TUFT1: variants seen among roughly 807,000 people sequenced by gnomAD.
TUFT1 encodes the protein tuftelin 1.
Under a neutral mutation model 57.8 loss-of-function variants are expected in TUFT1, and 43 were observed. The observed-to-expected ratio is 0.74, with a 90% CI of 0.58 to 0.96. The LOEUF (loss-of-function observed/expected upper bound fraction) is 0.96, where lower values mean the gene tolerates loss of function less well. Ranked by LOEUF, TUFT1 falls within the 40% of genes least tolerant of loss-of-function variation. The pLI is 0.00. For missense variants in TUFT1, 459 were observed against 489.0 expected (o/e 0.94, Z 0.58); for synonymous variants, 166 against 176.7 (o/e 0.94, Z 0.48).
chr1:151,553,097 AT>A lies in TUFT1; in HGVS notation c.61-8981del, dbSNP rs879678423. ...CAGATCAAGCAAGGTGGGTCAGATA[AT>A]TTTTTTTTTTTTAGATGGAGTCTTG... On this transcript the variant is annotated intron_variant, in intron 1 of 12. Transcript: ENST00000368849. Among the ~76,000 whole-genome samples, 288 of 146,042 alleles carry A rather than the reference AT, an allele frequency of 2.0e-3. 1 individual carries two copies. The highest frequency in any genetic ancestry group is 0.015 in the East Asian group (78 of 5,044).
chr1:151,575,632 G>A (rs978570136), intron 9 of TUFT1, among the ~76,000 whole-genome samples: 21 of 152,188 alleles, frequency 1.4e-4, no homozygotes, highest in African/African-American at 5.1e-4. Context: ...CAAAGATTGT[G>A]CCTTCTAGAA....
chr1:151,576,930 A>AT (rs961942054), intron 9 of TUFT1, among the ~76,000 whole-genome samples: 3 of 151,968 alleles, frequency 2.0e-5, no homozygotes, highest in Non-Finnish European at 2.9e-5. Flanking sequence ...TGGACTACTT[A>AT]TTTTTTTAAT....
chr1:151,543,470 A>G (rs1665231943), intron 1 of TUFT1, among the ~76,000 whole-genome samples: 1 of 152,172 alleles, frequency 6.6e-6, no homozygotes, highest in Admixed American at 6.6e-5. Context: ...AAAAGAACAA[A>G]TAAACACCAA....
At position 151,540,441 on chromosome 1, in the gene TUFT1, T is replaced by C; in HGVS notation, c.60+15T>C. On this transcript the variant is annotated intron_variant, in intron 1 of 12. Coordinates refer to ENST00000368849, the MANE Select transcript of TUFT1 (RefSeq NM_020127.3). ...ACCAGGCGGCGGTAAGAAAAAGCGC[T>C]CTCGCTGTCTTCTCCGTTTTGTATT... is the stretch of plus-strand genomic sequence containing the variant. The C allele has an allele frequency of 1.2e-6, 2 of 1,614,062 alleles. No individual in the cohort carries two copies. The highest frequency in any genetic ancestry group is 1.7e-6 in the Non-Finnish European group (2 of 1,179,914).
At chr1:151,581,394 C>T (rs1666642114) in intron 12 of TUFT1, among the ~76,000 whole-genome samples, 1 of 152,174 alleles carries the variant, frequency 6.6e-6, no homozygotes, top group African/African-American at 2.4e-5. Context: ...ACAGCTATAT[C>T]CACTTCTCAG....
intron 1 of TUFT1, among the ~76,000 whole-genome samples, chr1:151,558,117 T>C (rs766729610): frequency 6.6e-6 from 1 of 152,150 alleles, no homozygotes; most frequent in Non-Finnish European, 1.5e-5. Flanking sequence ...TTCCTTTCTG[T>C]TTAGAGAACT....
intron 1 of TUFT1, among the ~76,000 whole-genome samples, chr1:151,546,520 C>T (rs1032970388): frequency 2.0e-5 from 3 of 152,168 alleles, no homozygotes; most frequent in African/African-American, 4.8e-5. Context: ...GCAGTCACTC[C>T]CCATTTCCCC....
intron 1 of TUFT1, among the ~76,000 whole-genome samples, chr1:151,545,057 T>C (rs1195624483): frequency 6.6e-6 from 1 of 150,998 alleles, no homozygotes. Context: ...ACGTCTGTAA[T>C]CCCAGCACTT....
rs1343183379 is a variant in TUFT1, at chr1:151,560,999, TGTGTGA to T, written c.61-1087_61-1082del. On this transcript the variant is annotated intron_variant, in intron 1 of 12. Transcript: ENST00000368849. ...GTGTGTGTGTGTGTGTGTGTGTGTGTGTGTGAGTGTTTGAGACGGAGTCTTGCTCTG... is the reference window on the plus strand; with the variant it reads ...GTGTGTGTGTGTGTGTGTGTGTGTGTGTGTTTGAGACGGAGTCTTGCTCTG... Among the ~76,000 whole-genome samples, 516 of 142,802 alleles carry T rather than the reference TGTGTGA, an allele frequency of 3.6e-3. 1 individual carries two copies. Among genetic ancestry groups the T allele is most frequent in the Non-Finnish European group, 6.0e-3 (383 of 64,144 alleles). 93.7% of individuals were successfully genotyped at this position (142,802 alleles called of 152,430 possible).
chr1:151,568,780 C>T (rs1666158024), intron 6 of TUFT1, among the ~76,000 whole-genome samples: 1 of 152,190 alleles, frequency 6.6e-6, no homozygotes, highest in Non-Finnish European at 1.5e-5. Flanking sequence ...ATCTGTTTGG[C>T]CTCTTTCTTC....
chr1:151,545,240 G>T (rs1030729449), intron 1 of TUFT1, among the ~76,000 whole-genome samples: 4 of 152,004 alleles, frequency 2.6e-5, no homozygotes, highest in Non-Finnish European at 5.9e-5. Flanking sequence ...TACCCAGGAG[G>T]TGGCGGTTGC....
chr1:151,561,314 C>T (rs1665880892), intron 1 of TUFT1, among the ~76,000 whole-genome samples: 1 of 151,962 alleles, frequency 6.6e-6, no homozygotes. Flanking sequence ...AAAAAATCTT[C>T]TTTGAAGCCC....
At chr1:151,561,884 G>A (rs1462789336) in intron 1 of TUFT1, 1 of 1,519,042 alleles carries the variant, frequency 6.6e-7, no homozygotes, top group South Asian at 1.2e-5. Flanking sequence ...AGAAAAAACT[G>A]TTGGGTGGTC....
intron 1 of TUFT1, among the ~76,000 whole-genome samples, chr1:151,555,902 C>A (rs1272427691): frequency 6.6e-6 from 1 of 151,940 alleles, no homozygotes; most frequent in East Asian, 1.9e-4. Flanking sequence ...GGTACTCTAT[C>A]ACAACCAGGA....
At chr1:151,562,270 C>T (rs1473859618) in intron 2 of TUFT1, 105 bp downstream of exon 2, 12 of 1,000,250 alleles carry the variant, frequency 1.2e-5, no homozygotes, top group African/African-American at 6.4e-5. Context: ...GTGATGCGAG[C>T]GTGGGAGCCC....
At chr1:151,551,819 T>C (rs747473101) in intron 1 of TUFT1, among the ~76,000 whole-genome samples, 24 of 152,196 alleles carry the variant, frequency 1.6e-4, no homozygotes, top group Admixed American at 9.2e-4. Flanking sequence ...TCTAATACCA[T>C]AATAAGGAGT....
chr1:151,554,889 A>C (rs1275378380), intron 1 of TUFT1, among the ~76,000 whole-genome samples: 5 of 147,586 alleles, frequency 3.4e-5, no homozygotes, highest in Non-Finnish European at 6.0e-5. Context: ...TTTTCAGTAG[A>C]GACAGGGTTT....
At chr1:151,547,706 G>A (rs1665384610) in intron 1 of TUFT1, among the ~76,000 whole-genome samples, 1 of 152,206 alleles carries the variant, frequency 6.6e-6, no homozygotes, top group African/African-American at 2.4e-5. Flanking sequence ...GGGCACTGAG[G>A]AACTTGCCCT....
chr1:151,580,828 G>A, intron 11 of TUFT1, 114 bp from the exon 12 acceptor site: 1 of 868,100 alleles, frequency 1.2e-6, no homozygotes. Flanking sequence ...CGCATGGTGG[G>A]GGTAGAGGCA....
Sources: gnomAD v4.1 joint callset for allele counts (sites outside exome capture counted in the v4.1 genomes callset) on GRCh38, gnomAD v4.1.1 for gene constraint, MANE v1.5 for transcripts, NCBI Gene and HGNC (gene_info 2026-07-23, HGNC 2026-07-21) for gene names.